Variants in CSMD3 observed in about 807,000 individuals in gnomAD.
CSMD3 encodes CUB and sushi domain-containing protein 3.
In CSMD3, 177 loss-of-function variants were observed where a neutral mutation model predicts 435.2. That is an observed-to-expected ratio of 0.41 (90% CI 0.36 to 0.46). The LOEUF is 0.46. Among genes scored for constraint, CSMD3 ranks in the 20% least tolerant of loss-of-function variants. The pLI, the probability that CSMD3 is intolerant of heterozygous loss-of-function variation, is 0.34. For missense variants in CSMD3, 4,265 were observed against 4,504.6 expected (o/e 0.95, Z 1.52); for synonymous variants, 1,656 against 1,520.5 (o/e 1.09, Z -2.07).
intron 36 of CSMD3, among the ~76,000 whole-genome samples, chr8:112,386,749 G>A (rs1030199096): frequency 1.3e-5 from 2 of 151,688 alleles, no homozygotes; most frequent in Admixed American, 1.3e-4. Flanking sequence ...CGCCCGCCTC[G>A]GCCCCCCAAA....
chr8:112,561,643 C>A (rs993007307), intron 24 of CSMD3, among the ~76,000 whole-genome samples: 51 of 151,606 alleles, frequency 3.4e-4, no homozygotes, highest in African/African-American at 1.2e-3. Context: ...GTTAAAGATT[C>A]TTTTGTACTC....
At chr8:112,409,487 T>C (rs1832151206) in intron 32 of CSMD3, among the ~76,000 whole-genome samples, 1 of 152,024 alleles carries the variant, frequency 6.6e-6, no homozygotes, top group South Asian at 2.1e-4. Flanking sequence ...AAAAATGTTA[T>C]TCCATTATGA....
intron 47 of CSMD3, among the ~76,000 whole-genome samples, chr8:112,315,812 T>C (rs1822405070): frequency 6.6e-6 from 1 of 151,900 alleles, no homozygotes; most frequent in South Asian, 2.1e-4. Context: ...ATACCTTAGC[T>C]TTCATTTTGG....
intron 38 of CSMD3, among the ~76,000 whole-genome samples, chr8:112,363,822 T>C (rs1201077908): frequency 6.6e-6 from 1 of 152,044 alleles, no homozygotes; most frequent in African/African-American, 2.4e-5. Context: ...TTGCATGCAA[T>C]GTATTCTGAG....
intron 10 of CSMD3, among the ~76,000 whole-genome samples, chr8:112,890,706 C>A (rs1037849335): frequency 6.6e-6 from 1 of 151,682 alleles, no homozygotes; most frequent in Admixed American, 6.6e-5. Context: ...CACTAATATG[C>A]GACTTTCATA....
chr8:113,238,088 A>C (rs575248061), intron 3 of CSMD3, among the ~76,000 whole-genome samples: 2 of 151,952 alleles, frequency 1.3e-5, no homozygotes, highest in East Asian at 3.9e-4. Context: ...AAAAAAAAAA[A>C]AAAAAGGTGG....
In CSMD3 at chr8:112,954,778, A is replaced by G. The variant is rs758023985; in HGVS notation, c.1343-17T>C. The G allele has an allele frequency of 3.0e-6, 4 of 1,335,178 alleles. No homozygotes were observed. In the South Asian group the frequency reaches 4.7e-5, roughly 16 times the overall value. 82.7% of individuals were successfully genotyped at this position (1,335,178 alleles called of 1,614,324 possible). A position where few individuals can be genotyped will look rare whatever the true frequency, so the allele number is the denominator to read the frequency against. Reference sequence around the variant, plus strand: ...CCTTTTTCACTAGTTAAGAAAACAAACAAAAACATGTATCAGGAAATACAA... The same window carrying G: ...CCTTTTTCACTAGTTAAGAAAACAAGCAAAAACATGTATCAGGAAATACAA... On this transcript the variant is annotated splice_polypyrimidine_tract_variant and intron_variant, in intron 7 of 70. Transcript: ENST00000297405.
At chr8:112,776,609 T>G (rs962364931) in intron 13 of CSMD3, among the ~76,000 whole-genome samples, 5 of 151,762 alleles carry the variant, frequency 3.3e-5, no homozygotes, top group African/African-American at 1.2e-4. Flanking sequence ...CTAAAAGGGT[T>G]GGAAAAATTG....
chr8:112,397,233 C>G (rs1830930489), intron 35 of CSMD3, among the ~76,000 whole-genome samples: 1 of 152,162 alleles, frequency 6.6e-6, no homozygotes, highest in Admixed American at 6.5e-5. Flanking sequence ...AATGGTAAAA[C>G]TTAAACTTGT....
chr8:112,527,151 C>A (rs1825057892), intron 27 of CSMD3, among the ~76,000 whole-genome samples: 1 of 151,622 alleles, frequency 6.6e-6, no homozygotes, highest in Non-Finnish European at 1.5e-5. Context: ...AAGACTCCAA[C>A]TAAGGGAGAG....
chr8:113,051,386 A>G (rs2088085039), intron 5 of CSMD3, among the ~76,000 whole-genome samples: 1 of 152,156 alleles, frequency 6.6e-6, no homozygotes, highest in Non-Finnish European at 1.5e-5. Context: ...GTCAAATTAT[A>G]TATACATTTC....
intron 3 of CSMD3, among the ~76,000 whole-genome samples, chr8:113,202,263 A>AG (rs1439691156): frequency 1.3e-5 from 2 of 152,138 alleles, no homozygotes; most frequent in African/African-American, 4.8e-5. Flanking sequence ...ATTTCTTCTT[A>AG]GTCTTGCTTG....
intron 22 of CSMD3, among the ~76,000 whole-genome samples, chr8:112,612,212 C>T (rs889882724): frequency 2.4e-4 from 36 of 152,072 alleles, no homozygotes; most frequent in African/African-American, 7.0e-4. Flanking sequence ...ATGGTTCTTA[C>T]GATCATTAGA....
Position 112,294,803 on chromosome 8 carries a change from T to C in CSMD3, c.8614+1030A>G, listed in dbSNP as rs373174131. Among the ~76,000 whole-genome samples, 18 of 152,290 alleles carry C rather than the reference T, an allele frequency of 1.2e-4. No homozygotes were observed. In the East Asian group the frequency reaches 1.5e-3, roughly 13 times the overall value. ...GAACTGGTGAGATCTTTTTAAAATA[T>C]TTCTAAAATTACATATATTCATATG... On this transcript the variant is annotated intron_variant, in intron 54 of 70. Transcript: ENST00000297405.
intron 6 of CSMD3, among the ~76,000 whole-genome samples, chr8:113,013,585 G>A (rs2086338990): frequency 6.6e-6 from 1 of 152,006 alleles, no homozygotes; most frequent in African/African-American, 2.4e-5. Flanking sequence ...CATGGTGGGG[G>A]CTTCCAGAGC....
At chr8:112,517,906 C>G (rs558387237) in intron 27 of CSMD3, among the ~76,000 whole-genome samples, 1 of 152,254 alleles carries the variant, frequency 6.6e-6, no homozygotes, top group Admixed American at 6.5e-5. Flanking sequence ...AGCAATTGCA[C>G]TCTTGAACAT....
At chr8:113,325,222 C>A (rs2093975771) in intron 1 of CSMD3, among the ~76,000 whole-genome samples, 1 of 152,066 alleles carries the variant, frequency 6.6e-6, no homozygotes, top group Non-Finnish European at 1.5e-5. Flanking sequence ...AATATGAGGA[C>A]ATGATATTTG....
At chr8:112,514,964 T>C (rs1823519607) in intron 28 of CSMD3, among the ~76,000 whole-genome samples, 1 of 152,062 alleles carries the variant, frequency 6.6e-6, no homozygotes, top group African/African-American at 2.4e-5. Flanking sequence ...AGCTATCTTT[T>C]CCTACCAAAA....
chr8:113,308,034 A>G (rs2093835420), intron 2 of CSMD3, among the ~76,000 whole-genome samples: 2 of 151,984 alleles, frequency 1.3e-5, no homozygotes. Flanking sequence ...GTGTTTCTCT[A>G]TTTTACAACT....
Sources: gnomAD v4.1 joint callset for allele counts (sites outside exome capture counted in the v4.1 genomes callset) on GRCh38, gnomAD v4.1.1 for gene constraint, MANE v1.5 for transcripts, NCBI Gene and HGNC (gene_info 2026-07-23, HGNC 2026-07-21) for gene names.